The following ZRANB3 variants were observed in gnomAD, a reference collection of about 807,000 sequenced individuals.
ZRANB3 encodes the protein zinc finger RANBP2-type containing 3, also known as DNA annealing helicase and endonuclease ZRANB3.
A neutral mutation model predicts 133.8 loss-of-function variants in ZRANB3; 125 were observed. That is an observed-to-expected ratio of 0.93 (90% confidence interval 0.81 to 1.08). The LOEUF is 1.08. Ranked by LOEUF, ZRANB3 falls within the 50% of genes least tolerant of loss-of-function variation. The pLI is 0.00. For missense variants in ZRANB3, 1,229 were observed against 1,275.5 expected (o/e 0.96, Z 0.56); for synonymous variants, 387 against 432.7 (o/e 0.89, Z 1.31).
intron 2 of ZRANB3, among the ~76,000 whole-genome samples, chr2:135,458,377 G>A (rs547784004): frequency 6.6e-6 from 1 of 151,672 alleles, no homozygotes; most frequent in East Asian, 1.9e-4. Flanking sequence ...ATGAATTTTA[G>A]AATCAGCTTG....
chr2:135,530,963 G>A (rs1023572863), intron 1 of ZRANB3, among the ~76,000 whole-genome samples, 164 bp downstream of exon 1: 2 of 152,200 alleles, frequency 1.3e-5, no homozygotes, highest in Admixed American at 6.5e-5. Context: ...CGCCACTGAA[G>A]CTGGAGAAAC....
At chr2:135,242,774 ATCC>A (rs1279800314) in intron 12 of ZRANB3, among the ~76,000 whole-genome samples, 2 of 151,700 alleles carry the variant, frequency 1.3e-5, no homozygotes, top group African/African-American at 2.4e-5. Context: ...TTTCTTCATT[ATCC>A]TCCTTTCTTT....
At chr2:135,454,880 A>G (rs763427001) in intron 2 of ZRANB3, among the ~76,000 whole-genome samples, 15 of 152,134 alleles carry the variant, frequency 9.9e-5, no homozygotes, top group Non-Finnish European at 1.6e-4. Flanking sequence ...GTAATTGTGA[A>G]TTGTGCTGTG....
chr2:135,400,360 T>C (rs77740027), intron 2 of ZRANB3, among the ~76,000 whole-genome samples: 2 of 152,260 alleles, frequency 1.3e-5, no homozygotes, highest in Non-Finnish European at 1.5e-5. Context: ...TCTTTTTTTT[T>C]CTCTAAATGG....
At chr2:135,216,566 A>G (rs1694321061) in intron 17 of ZRANB3, among the ~76,000 whole-genome samples, 1 of 151,834 alleles carries the variant, frequency 6.6e-6, no homozygotes, top group Non-Finnish European at 1.5e-5. Context: ...CAGCCTCCCA[A>G]GTAGCTAGAA....
intron 6 of ZRANB3, among the ~76,000 whole-genome samples, chr2:135,317,610 A>C (rs1320068420): frequency 6.6e-6 from 1 of 152,214 alleles, no homozygotes. Flanking sequence ...CAGAGTACCA[A>C]CAGTTGTACT....
intron 2 of ZRANB3, among the ~76,000 whole-genome samples, chr2:135,473,593 C>G (rs1016218004): frequency 4.6e-5 from 7 of 151,586 alleles, no homozygotes; most frequent in African/African-American, 1.7e-4. Context: ...AATACACATT[C>G]GATTTTAAAA....
At chr2:135,522,854 G>A (rs1251902278) in intron 1 of ZRANB3, among the ~76,000 whole-genome samples, 2 of 152,190 alleles carry the variant, frequency 1.3e-5, no homozygotes, top group Non-Finnish European at 2.9e-5. Context: ...ACTTTTTTCT[G>A]TAAGGAATTG....
In ZRANB3 at chr2:135,340,855, CA is replaced by C. The variant is rs1224706085; in HGVS notation, c.677+4694del. On this transcript the variant is annotated intron_variant, in intron 6 of 20. Coordinates refer to ENST00000264159, the MANE Select transcript of ZRANB3 (RefSeq NM_032143.4). Reference sequence around the variant, plus strand: ...TGGTCAACAGAGTGAGATTCCGTCTCAAAAAAAACAGTAAAATCTTTATAAT... The same window carrying C: ...TGGTCAACAGAGTGAGATTCCGTCTCAAAAAAACAGTAAAATCTTTATAAT... Among the ~76,000 whole-genome samples the C allele has an allele frequency of 7.7e-5, 11 of 143,528 alleles. No homozygotes were observed. The East Asian group carries it at 1.2e-3, about 15-fold the overall frequency. 94.2% of individuals were successfully genotyped at this position (143,528 alleles called of 152,430 possible).
intron 2 of ZRANB3, among the ~76,000 whole-genome samples, chr2:135,488,389 G>A (rs1692216359): frequency 6.6e-6 from 1 of 151,912 alleles, no homozygotes; most frequent in Non-Finnish European, 1.5e-5. Context: ...CATGCTTAAT[G>A]CAGGAATACC....
chr2:135,214,800 G>C (rs1023288090), intron 17 of ZRANB3, among the ~76,000 whole-genome samples: 5 of 152,304 alleles, frequency 3.3e-5, no homozygotes, highest in African/African-American at 4.8e-5. Context: ...AAAATCAACT[G>C]TTACAGAAGA....
At chr2:135,355,479 A>T (rs1004959987) in intron 3 of ZRANB3, among the ~76,000 whole-genome samples, 1 of 151,430 alleles carries the variant, frequency 6.6e-6, no homozygotes, top group African/African-American at 2.4e-5. Context: ...ATCCTGCCTC[A>T]GCCTCTGGAG....
In ZRANB3 at chr2:135,446,722, A is replaced by T. The variant is rs149142221; in HGVS notation, c.162-55902T>A. 3.0e-3 allele frequency among the ~76,000 whole-genome samples: 451 copies of T among 152,320 alleles called. 2 individuals are homozygous for T. Among genetic ancestry groups the T allele is most frequent in the African/African-American group, 0.01 (420 of 41,572 alleles). On this transcript the variant is annotated intron_variant, in intron 2 of 20. Coordinates refer to ENST00000264159, the MANE Select transcript of ZRANB3 (RefSeq NM_032143.4). ...ACCATGGAATTTAATCTAGGTATGA[A>T]GAAAAGAGGCTATCAGGAGAGTGAG...
chr2:135,292,956 C>G (rs1345318212), intron 8 of ZRANB3, among the ~76,000 whole-genome samples: 2 of 151,930 alleles, frequency 1.3e-5, no homozygotes, highest in African/African-American at 2.4e-5. Context: ...TGGTCTATAT[C>G]TCTGTTTTGG....
At chr2:135,528,568 G>C (rs1694260053) in intron 1 of ZRANB3, among the ~76,000 whole-genome samples, 2 of 152,098 alleles carry the variant, frequency 1.3e-5, no homozygotes, top group African/African-American at 2.4e-5. Context: ...TTCTGGCTCA[G>C]ACGAAACTCA....
chr2:135,394,270 T>A (rs1044343735), intron 2 of ZRANB3, among the ~76,000 whole-genome samples: 7 of 152,146 alleles, frequency 4.6e-5, no homozygotes, highest in African/African-American at 1.7e-4. Context: ...AGCAAACCAT[T>A]TCAGTAAAAA....
intron 19 of ZRANB3, among the ~76,000 whole-genome samples, chr2:135,204,544 G>A (rs1215974346): frequency 6.6e-6 from 1 of 150,880 alleles, no homozygotes; most frequent in Non-Finnish European, 1.5e-5. Flanking sequence ...TGTAATCCCA[G>A]ATGTTTGGGA....
intron 1 of ZRANB3, among the ~76,000 whole-genome samples, chr2:135,530,071 CA>C (rs1411881034): frequency 6.6e-6 from 1 of 151,184 alleles, no homozygotes; most frequent in Non-Finnish European, 1.5e-5. Flanking sequence ...ACTAAAAATA[CA>C]AAAAATTAGC....
At chr2:135,450,464 C>T (rs369482937) in intron 2 of ZRANB3, among the ~76,000 whole-genome samples, 8 of 152,080 alleles carry the variant, frequency 5.3e-5, no homozygotes, top group South Asian at 2.1e-4. Context: ...GGTTAAGTAA[C>T]GTATCCAAGG....
Sources: gnomAD v4.1 joint callset for allele counts (sites outside exome capture counted in the v4.1 genomes callset) on GRCh38, gnomAD v4.1.1 for gene constraint, MANE v1.5 for transcripts, NCBI Gene and HGNC (gene_info 2026-07-23, HGNC 2026-07-21) for gene names.